CWC27: variants seen among roughly 807,000 people sequenced by gnomAD.
CWC27 encodes spliceosome-associated protein CWC27 homolog.
A neutral mutation model predicts 63.6 loss-of-function variants in CWC27; 47 were observed. That is an observed-to-expected ratio of 0.74 (90% confidence interval 0.58 to 0.94). The LOEUF (loss-of-function observed/expected upper bound fraction) is 0.94. CWC27 is among the 40% of genes least tolerant of loss of function. The probability of loss-of-function intolerance (pLI) is 0.00; values close to 1 mark genes in which losing one functional copy is unlikely to be tolerated. For synonymous variants in CWC27, 175 were observed against 179.8 expected, an observed-to-expected ratio of 0.97 and a Z score of 0.22; for missense variants, 495 against 554.3, an observed-to-expected ratio of 0.89 and a Z score of 1.07.
At chr5:64,873,441 G>A (rs1746724700) in intron 10 of CWC27, among the ~76,000 whole-genome samples, 1 of 151,852 alleles carries the variant, frequency 6.6e-6, no homozygotes, top group Non-Finnish European at 1.5e-5. Flanking sequence ...AAGTATTATA[G>A]CAATAGACCC....
chr5:64,936,163 T>A (rs1276011579), intron 11 of CWC27, among the ~76,000 whole-genome samples: 2 of 152,168 alleles, frequency 1.3e-5, no homozygotes, highest in Non-Finnish European at 2.9e-5. Context: ...AGAGAGGGCA[T>A]CCTTGTCTTG....
Position 64,958,966 on chromosome 5 carries a change from T to G in CWC27, c.1043-12737T>G, listed in dbSNP as rs546222160. Among the ~76,000 whole-genome samples the G allele has an allele frequency of 2.0e-5, 3 of 152,266 alleles. No homozygotes were observed. The South Asian group carries it at 6.2e-4, about 32-fold the overall frequency. Reference sequence around the variant, plus strand: ...CACTTTTAACTAATTTTCATGAACCTTTAGGAGGCTTATTGACCACCAGAT... The same window carrying G: ...CACTTTTAACTAATTTTCATGAACCGTTAGGAGGCTTATTGACCACCAGAT... On this transcript the variant is annotated intron_variant, in intron 11 of 13. Coordinates refer to ENST00000381070, the MANE Select transcript of CWC27 (RefSeq NM_005869.4).
chr5:64,800,817 A>C (rs1212347145), intron 8 of CWC27, among the ~76,000 whole-genome samples: 1 of 152,132 alleles, frequency 6.6e-6, no homozygotes, highest in African/African-American at 2.4e-5. Context: ...TGAGAAGGGA[A>C]AACGTCTTGG....
At chr5:64,871,995 G>A (rs4129737) in intron 10 of CWC27, among the ~76,000 whole-genome samples, 55,220 of 151,900 alleles carry the variant, frequency 0.36, 10,625 homozygotes, top group East Asian at 0.51. Flanking sequence ...CATAACAATA[G>A]TATCATCATC....
intron 10 of CWC27, among the ~76,000 whole-genome samples, chr5:64,812,920 G>C (rs1744918332): frequency 1.3e-5 from 2 of 152,084 alleles, no homozygotes; most frequent in African/African-American, 4.8e-5. Flanking sequence ...ATATATTTCA[G>C]GAAAAGATCA....
chr5:64,945,854 G>A lies in CWC27; in HGVS notation c.1043-25849G>A, dbSNP rs567535966. Among the ~76,000 whole-genome samples, 4 of 152,206 alleles carry A rather than the reference G, an allele frequency of 2.6e-5. No homozygotes were observed. The South Asian group carries it at 6.2e-4, about 24-fold the overall frequency. ...GTGATTATGAATTGACGTTAGTGGG[G>A]TTTTTTAACCTGTCATTTGAATGAA... On this transcript the variant is annotated intron_variant, in intron 11 of 13. Transcript: ENST00000381070.
At chr5:64,881,320 T>C (rs1421639848) in intron 10 of CWC27, among the ~76,000 whole-genome samples, 2 of 152,156 alleles carry the variant, frequency 1.3e-5, no homozygotes, top group Non-Finnish European at 2.9e-5. Flanking sequence ...GTATATGATA[T>C]GACTACATTA....
chr5:64,996,843 C>T (rs551584455), intron 13 of CWC27, among the ~76,000 whole-genome samples: 1 of 152,142 alleles, frequency 6.6e-6, no homozygotes, highest in South Asian at 2.1e-4. Flanking sequence ...ACATAGAAAT[C>T]GTCGCTTTCA....
chr5:64,951,231 T>G (rs967927594), intron 11 of CWC27, among the ~76,000 whole-genome samples: 1 of 151,898 alleles, frequency 6.6e-6, no homozygotes, highest in African/African-American at 2.4e-5. Flanking sequence ...TCCTTGTCAA[T>G]TAATGGTATT....
At chr5:64,850,902 A>G (rs1266931674) in intron 10 of CWC27, among the ~76,000 whole-genome samples, 1 of 151,656 alleles carries the variant, frequency 6.6e-6, no homozygotes, top group Non-Finnish European at 1.5e-5. Flanking sequence ...AAAAAAAAGT[A>G]AAGTGTTGGC....
intron 13 of CWC27, among the ~76,000 whole-genome samples, chr5:65,003,299 G>A (rs749337951): frequency 1.8e-4 from 27 of 152,118 alleles, no homozygotes; most frequent in Non-Finnish European, 3.8e-4. Context: ...ATTATTGATA[G>A]GTTAGGATTT....
Position 65,018,742 on chromosome 5 carries a change from T to C in CWC27, c.*421T>C. 1 of 151,774 alleles carries C rather than the reference T, an allele frequency of 6.6e-6. No homozygotes were observed. Among genetic ancestry groups the C allele is most frequent in the South Asian group, 2.1e-4 (1 of 4,822 alleles). 9.4% of individuals were successfully genotyped at this position (151,774 alleles called of 1,614,324 possible). ...TCAGAATATAATAAAATATTATAAA[T>C]AAAATATAGAATATAAATATGGATG... On this transcript the variant is annotated 3_prime_UTR_variant, in exon 14 of 14. Transcript: ENST00000381070.
intron 11 of CWC27, among the ~76,000 whole-genome samples, chr5:64,913,676 T>C (rs1188980526): frequency 6.6e-6 from 1 of 152,060 alleles, no homozygotes; most frequent in Non-Finnish European, 1.5e-5. Flanking sequence ...AGAACACTTT[T>C]AAGCCTTATT....
intron 11 of CWC27, among the ~76,000 whole-genome samples, chr5:64,911,179 C>T (rs1319832722): frequency 2.0e-5 from 3 of 152,224 alleles, no homozygotes; most frequent in Admixed American, 2.0e-4. Flanking sequence ...TTCCTCCCTC[C>T]GTGTTAACAA....
chr5:64,976,490 AAACTC>A (rs1253396536), intron 12 of CWC27, among the ~76,000 whole-genome samples: 3 of 152,100 alleles, frequency 2.0e-5, no homozygotes, highest in African/African-American at 2.4e-5. Context: ...TATAGACACT[AAACTC>A]AACTATAAAT....
chr5:64,786,037 C>T (rs906690857), intron 5 of CWC27, among the ~76,000 whole-genome samples: 12 of 151,752 alleles, frequency 7.9e-5, no homozygotes, highest in African/African-American at 2.4e-4. Context: ...TGGTGGCATA[C>T]GCCTGTAGTC....
chr5:64,806,276 A>T (rs188182202), intron 10 of CWC27, among the ~76,000 whole-genome samples: 49 of 152,342 alleles, frequency 3.2e-4, no homozygotes, highest in Non-Finnish European at 6.3e-4. Flanking sequence ...CAAGTCTACT[A>T]AGAAAATTAA....
At chr5:64,861,067 T>G (rs927014848) in intron 10 of CWC27, among the ~76,000 whole-genome samples, 1 of 152,124 alleles carries the variant, frequency 6.6e-6, no homozygotes, top group Non-Finnish European at 1.5e-5. Flanking sequence ...CCGTGGATGT[T>G]TCAACCCGTA....
intron 10 of CWC27, among the ~76,000 whole-genome samples, chr5:64,866,110 G>A (rs888897164): frequency 1.9e-4 from 29 of 152,106 alleles, no homozygotes; most frequent in African/African-American, 7.0e-4. Flanking sequence ...TTAATTAGAG[G>A]CTTGGTTTTC....
Sources: allele counts gnomAD v4.1 joint callset (sites outside exome capture counted in the v4.1 genomes callset), GRCh38; gene constraint gnomAD v4.1.1; transcripts MANE v1.5; gene names NCBI Gene and HGNC (gene_info 2026-07-23, HGNC 2026-07-21).